The following MYT1 variants were observed in gnomAD, a reference collection of about 807,000 sequenced individuals.
MYT1 encodes myelin transcription factor I.
A neutral mutation model predicts 123.0 loss-of-function variants in MYT1; 23 were observed. The ratio of observed to expected loss-of-function variants is 0.19; its 90% CI spans 0.13 to 0.26. The LOEUF is 0.26. Ranked by LOEUF, MYT1 falls within the 10% of genes least tolerant of loss-of-function variation. The pLI, the probability that MYT1 is intolerant of heterozygous loss-of-function variation, is 1.00. For missense variants in MYT1, 1,125 were observed against 1,472.5 expected (o/e 0.76, Z 3.86); for synonymous variants, 518 against 575.3 (o/e 0.90, Z 1.43).
chr20:64,219,479 T>C (rs1983933279), intron 12 of MYT1, among the ~76,000 whole-genome samples: 1 of 152,226 alleles, frequency 6.6e-6, no homozygotes, highest in Admixed American at 6.5e-5. Context: ...TGACATGTCC[T>C]GAGGGACTGG....
At position 64,211,389 on chromosome 20, in the gene MYT1, C is replaced by T. The variant is rs77929954; in HGVS notation, c.1426+49C>T. The stretch of plus-strand genomic sequence containing the variant: ...GCCCTAACTGTGAAGCTCACGCTGC[C>T]TCTGTGGTGTTTGGGTGGTGTCTAT... On this transcript the variant is annotated intron_variant, in intron 8 of 22. Coordinates refer to ENST00000328439, the MANE Select transcript of MYT1 (RefSeq NM_004535.3). 5,013 of 1,566,880 alleles carry T rather than the reference C, an allele frequency of 3.2e-3. 133 individuals are homozygous for T. In the African/African-American group the frequency reaches 0.058, roughly 18 times the overall value.
chr20:64,195,366 GT>G (rs1983081867), intron 2 of MYT1, among the ~76,000 whole-genome samples: 2 of 100,380 alleles, frequency 2.0e-5, no homozygotes, highest in Non-Finnish European at 2.0e-5. Context: ...GTGTGTGTGT[GT>G]GTGTGTGTGT....
intron 1 of MYT1, among the ~76,000 whole-genome samples, chr20:64,171,288 C>T (rs1183966567): frequency 6.6e-6 from 1 of 152,146 alleles, no homozygotes; most frequent in African/African-American, 2.4e-5. Context: ...AGCGGTAAGT[C>T]CTGTAAGGAG....
intron 1 of MYT1, among the ~76,000 whole-genome samples, chr20:64,171,445 G>A (rs948182575): frequency 1.3e-5 from 2 of 152,238 alleles, no homozygotes; most frequent in African/African-American, 4.8e-5. Context: ...TCTTCCCTGT[G>A]GAGTGTCACC....
chr20:64,205,224 G>A (rs1460196372), intron 5 of MYT1, 127 bp downstream of exon 5: 5 of 1,148,962 alleles, frequency 4.4e-6, no homozygotes, highest in Non-Finnish European at 6.3e-6. Context: ...ACCCTTCTGC[G>A]AGGCAGCGAC....
At chr20:64,227,131 C>T (rs1041222835) in intron 16 of MYT1, among the ~76,000 whole-genome samples, 3 of 152,218 alleles carry the variant, frequency 2.0e-5, no homozygotes, top group Admixed American at 6.5e-5. Context: ...GGGTGTAAAC[C>T]GATGCTGGAG....
rs371119162 is a variant in MYT1, at chr20:64,208,203, C to T, written c.1007C>T (p.Pro336Leu). The T allele has an allele frequency of 4.3e-6, 7 of 1,613,838 alleles. No homozygotes were observed. In the African/African-American group the frequency reaches 9.3e-5, roughly 22 times the overall value. ...PELRGPESPSPKPEYSVIVEV... is the reference protein window; with the variant it reads ...PELRGPESPSLKPEYSVIVEV... ...CTCCGGGGCCCAGAATCACCCAGTCCCAAGCCTGAGTACTCTGTTATTGTG... is the reference window on the plus strand; with the variant it reads ...CTCCGGGGCCCAGAATCACCCAGTCTCAAGCCTGAGTACTCTGTTATTGTG... Residue 336 changes from proline to leucine, a missense_variant, in exon 7 of 23, where the codon CCC becomes CTC. This residue lies in a region of MYT1 where 406 missense variants were observed against 432.2 expected (regional missense o/e 0.94). Transcript: ENST00000328439. This position sits in a 1 kb window ranked among gnomAD's most constrained non-coding sequence, Gnocchi z 5.4.
rs551380750 is a variant in MYT1, at chr20:64,212,758, ACC to A, written c.1517+622_1517+623del. ...CAGGTGGAAGTGAAGCTTCCCGACC[ACC>A]CTCGAGGTGTAGTTGTTGACTGGTC... On this transcript the variant is annotated intron_variant, in intron 9 of 22. Transcript: ENST00000328439. The surrounding 1 kb of genome is among the most constrained non-coding windows in gnomAD (Gnocchi z 6.8). Among the ~76,000 whole-genome samples the A allele has an allele frequency of 2.4e-3, 364 of 151,922 alleles. 1 individual carries two copies. Among genetic ancestry groups the A allele is most frequent in the Middle Eastern group, 0.017 (5 of 294 alleles).
rs34822167 is a variant in MYT1, at chr20:64,198,286, C to CAAAAAAAAA, written c.1-557_1-549dup. On this transcript the variant is annotated intron_variant, in intron 2 of 22. Coordinates refer to ENST00000328439, the MANE Select transcript of MYT1 (RefSeq NM_004535.3). ...TGGGCGACAGAGCGAGACTCCGTCT[C>CAAAAAAAAA]AAAAAAAAAAAAAAAAAAAAAAAAA... Among the ~76,000 whole-genome samples the CAAAAAAAAA allele has an allele frequency of 1.0e-3, 25 of 23,826 alleles. 2 individuals carry two copies. The highest frequency in any genetic ancestry group is 2.8e-3 in the African/African-American group (25 of 8,962). 15.6% of individuals were successfully genotyped at this position (23,826 alleles called of 152,430 possible).
chr20:64,218,421 G>C lies in MYT1; in HGVS notation c.1847-490G>C, dbSNP rs1983902908. Among the ~76,000 whole-genome samples, 5 of 152,190 alleles carry C rather than the reference G, an allele frequency of 3.3e-5. No individual in the cohort carries two copies. The highest frequency in any genetic ancestry group is 3.3e-4 in the Admixed American group (5 of 15,292). The stretch of plus-strand genomic sequence containing the variant: ...GATGGTTACCGGGGACACCAAGTCA[G>C]CCTAAATATGGGTACACCCTTTTGA... On this transcript the variant is annotated intron_variant, in intron 11 of 22. Transcript: ENST00000328439. This position sits in a 1 kb window ranked among gnomAD's most constrained non-coding sequence, Gnocchi z 4.0.
At chr20:64,236,237 T>G (rs951108822) in intron 19 of MYT1, among the ~76,000 whole-genome samples, 1 of 143,728 alleles carries the variant, frequency 7.0e-6, no homozygotes, top group African/African-American at 2.7e-5. Context: ...GACCCTGGGA[T>G]GGCTGTGGTG....
rs2427613 is a variant in MYT1, at chr20:64,198,926, G to A, written c.55+10G>A. On this transcript the variant is annotated intron_variant, in intron 3 of 22. Coordinates refer to ENST00000328439, the MANE Select transcript of MYT1 (RefSeq NM_004535.3). ...TCCAAGGCCCTGCGAGGTGAGTGCC[G>A]CCCTCCCCTCCTCCAGGGCTGTAAA... 2,814 of 1,613,630 alleles carry A rather than the reference G, an allele frequency of 1.7e-3. 45 individuals are homozygous for A. The African/African-American group carries it at 0.034, about 19-fold the overall frequency.
rs368238495 is a variant in MYT1 at position 64,232,129 on chromosome 20, C to G, written c.2676-35C>G. Reference sequence around the variant, plus strand: ...CTCCAGGCTTCTCCTCCCAACCCTTCGCCCCTGTACTCACCCCGGCCTCTC... The same window carrying G: ...CTCCAGGCTTCTCCTCCCAACCCTTGGCCCCTGTACTCACCCCGGCCTCTC... On this transcript the variant is annotated intron_variant, in intron 18 of 22. Transcript: ENST00000328439. The surrounding 1 kb of genome is among the most constrained non-coding windows in gnomAD (Gnocchi z 6.9). 1.1e-5 allele frequency: 18 copies of G among 1,602,010 alleles called. No individual in the cohort carries two copies. The highest frequency in any genetic ancestry group is 1.5e-5 in the Non-Finnish European group (17 of 1,171,794).
At chr20:64,214,953 C>T (rs761020619) in intron 10 of MYT1, among the ~76,000 whole-genome samples, 17 of 152,214 alleles carry the variant, frequency 1.1e-4, no homozygotes, top group Non-Finnish European at 1.8e-4. Flanking sequence ...AATTCCCACA[C>T]GTGGGATCTC....
At chr20:64,171,084 ATT>A (rs71197460) in intron 1 of MYT1, among the ~76,000 whole-genome samples, 5,510 of 143,642 alleles carry the variant, frequency 0.038, 190 homozygotes, top group South Asian at 0.18. Flanking sequence ...TAATTTTTGT[ATT>A]TTTTTTTTTT....
intron 1 of MYT1, among the ~76,000 whole-genome samples, chr20:64,169,670 T>C (rs1054864611): frequency 3.9e-5 from 6 of 152,154 alleles, no homozygotes; most frequent in African/African-American, 1.4e-4. Context: ...CAAAGTTTTG[T>C]TTAGGGAAAA....
intron 2 of MYT1, among the ~76,000 whole-genome samples, chr20:64,195,704 G>A (rs961382032): frequency 1.3e-5 from 2 of 152,028 alleles, no homozygotes; most frequent in African/African-American, 4.8e-5. Flanking sequence ...CCAGAACCAT[G>A]TATATTTTCA....
Position 64,232,041 on chromosome 20 carries a change from C to A in MYT1, c.2676-123C>A. On this transcript the variant is annotated intron_variant, in intron 18 of 22. Coordinates refer to ENST00000328439, the MANE Select transcript of MYT1 (RefSeq NM_004535.3). The surrounding 1 kb of genome is among the most constrained non-coding windows in gnomAD (Gnocchi z 6.9). ...TCCAGGACCTCAGCGGCCCTCCCTG[C>A]CTCACTCAGAAGCCCTTTAACGGCT... is the stretch of plus-strand genomic sequence containing the variant. 1.1e-6 allele frequency: 1 copy of A among 951,598 alleles called. No individual in the cohort carries two copies. The highest frequency in any genetic ancestry group is 1.6e-6 in the Non-Finnish European group (1 of 632,234). 58.9% of individuals were successfully genotyped at this position (951,598 alleles called of 1,614,324 possible). A position where few individuals can be genotyped will look rare whatever the true frequency, so the allele number is the denominator to read the frequency against.
In MYT1 at chr20:64,212,530, G is replaced by A. The variant is rs985417820; in HGVS notation, c.1517+392G>A. Among the ~76,000 whole-genome samples the A allele has an allele frequency of 3.9e-5, 6 of 152,186 alleles. No individual in the cohort carries two copies. Among genetic ancestry groups the A allele is most frequent in the African/African-American group, 1.4e-4 (6 of 41,454 alleles). On this transcript the variant is annotated intron_variant, in intron 9 of 22. Transcript: ENST00000328439. This position sits in a 1 kb window ranked among gnomAD's most constrained non-coding sequence, Gnocchi z 6.8. ...CGAGCTCCCGAGAGAGCAGGGGGCG[G>A]CCTGCAGAGGAGGGAGCAATGCACC...
Sources: gnomAD v4.1 joint callset for allele counts (sites outside exome capture counted in the v4.1 genomes callset) on GRCh38, gnomAD v4.1.1 for gene constraint, gnomAD v4.1.1 regional missense constraint, Gnocchi (gnomAD v3.1) non-coding constraint, MANE v1.5 for transcripts, NCBI Gene and HGNC (gene_info 2026-07-23, HGNC 2026-07-21) for gene names.